Variants in AGMO observed in about 807,000 individuals in gnomAD.
AGMO encodes the protein alkylglycerol monooxygenase.
Under a neutral mutation model 60.2 loss-of-function variants are expected in AGMO, and 75 were observed. The ratio of observed to expected loss-of-function variants is 1.25; its 90% CI spans 1.03 to 1.51. The LOEUF is 1.51. Among genes scored for constraint, AGMO ranks in the 40% most tolerant of loss-of-function variants. The pLI is 0.00. For synonymous variants in AGMO, 261 were observed against 177.1 expected, an observed-to-expected ratio of 1.47 and a Z score of -3.76; for missense variants, 763 against 525.5, an observed-to-expected ratio of 1.45 and a Z score of -4.42.
At chr7:15,408,036 G>C (rs1784751487) in intron 5 of AGMO, among the ~76,000 whole-genome samples, 1 of 151,898 alleles carries the variant, frequency 6.6e-6, no homozygotes, top group Non-Finnish European at 1.5e-5. Context: ...GTAAAAGAAA[G>C]ATGTTGCAGA....
chr7:15,316,815 T>A (rs1217398835), intron 12 of AGMO, among the ~76,000 whole-genome samples: 3 of 152,194 alleles, frequency 2.0e-5, no homozygotes, highest in African/African-American at 7.2e-5. Context: ...CTTTATAGAT[T>A]AATTGGCTTT....
At chr7:15,212,818 A>C (rs1404805574) in intron 12 of AGMO, among the ~76,000 whole-genome samples, 3 of 151,910 alleles carry the variant, frequency 2.0e-5, no homozygotes, top group African/African-American at 7.2e-5. Flanking sequence ...CAGTATCTTC[A>C]GCTGAAAAAG....
chr7:15,329,226 T>C (rs1277561288), intron 12 of AGMO, among the ~76,000 whole-genome samples: 15 of 152,226 alleles, frequency 9.9e-5, no homozygotes, highest in Non-Finnish European at 4.4e-5. Flanking sequence ...GTATTTGATA[T>C]ACTTTAATTG....
the AGMO span, among the ~76,000 whole-genome samples, chr7:15,168,927 G>A: frequency 6.6e-6 from 1 of 152,330 alleles, no homozygotes; most frequent in African/African-American, 2.4e-5. Context: ...ACAGTTGGAA[G>A]TCATTTAGAA....
chr7:15,130,120 A>G, the AGMO span, among the ~76,000 whole-genome samples: 76 of 152,234 alleles, frequency 5.0e-4, no homozygotes, highest in Non-Finnish European at 7.4e-5. Context: ...CTAGAAATAT[A>G]GTTTTATTTT....
intron 12 of AGMO, among the ~76,000 whole-genome samples, chr7:15,250,697 T>C (rs1262565419): frequency 6.6e-6 from 1 of 152,100 alleles, no homozygotes; most frequent in Non-Finnish European, 1.5e-5. Flanking sequence ...CCCAGCACTT[T>C]GGGAAGCTGA....
intron 8 of AGMO, among the ~76,000 whole-genome samples, chr7:15,388,335 A>T (rs28688256): frequency 0.069 from 10,437 of 152,130 alleles, 661 homozygotes; most frequent in African/African-American, 0.17. Flanking sequence ...TGGAAAAATT[A>T]AAAAAATTGC....
chr7:15,489,188 T>A (rs75923494), intron 3 of AGMO, among the ~76,000 whole-genome samples: 1 of 152,076 alleles, frequency 6.6e-6, no homozygotes, highest in East Asian at 1.9e-4. Context: ...ACTTTCACAA[T>A]TGTCATAAAG....
intron 12 of AGMO, among the ~76,000 whole-genome samples, chr7:15,311,368 T>C (rs913200556): frequency 1.3e-5 from 2 of 152,074 alleles, no homozygotes; most frequent in African/African-American, 4.8e-5. Context: ...ACATGCCAGG[T>C]TGGGAATCTA....
At chr7:15,354,568 A>G (rs1782447297) in intron 12 of AGMO, among the ~76,000 whole-genome samples, 1 of 126,886 alleles carries the variant, frequency 7.9e-6, no homozygotes, top group Non-Finnish European at 1.7e-5. Flanking sequence ...TGCAACAGTA[A>G]ACATTTGTTA....
the AGMO span, among the ~76,000 whole-genome samples, chr7:15,185,898 C>T: frequency 6.6e-6 from 1 of 152,164 alleles, no homozygotes; most frequent in South Asian, 2.1e-4. Context: ...TCTTCTCATC[C>T]AGTCTTCTAA....
chr7:15,227,698 A>C (rs779210744), intron 12 of AGMO, among the ~76,000 whole-genome samples: 13 of 152,068 alleles, frequency 8.5e-5, no homozygotes, highest in Non-Finnish European at 1.8e-4. Context: ...CGTATCATCC[A>C]TGAGGTAGCA....
intron 12 of AGMO, 77 bp downstream of exon 12, chr7:15,365,437 G>T: frequency 2.6e-6 from 2 of 761,924 alleles, no homozygotes; most frequent in Admixed American, 2.7e-5. Flanking sequence ...ATGAAGTAGA[G>T]AAAACATCCT....
At chr7:15,439,531 T>G (rs1471885173) in intron 3 of AGMO, among the ~76,000 whole-genome samples, 2 of 152,168 alleles carry the variant, frequency 1.3e-5, no homozygotes, top group Non-Finnish European at 2.9e-5. Flanking sequence ...ACAAAACATA[T>G]CAAAGAAAGA....
At chr7:15,391,773 G>A (rs1784148688) in intron 6 of AGMO, among the ~76,000 whole-genome samples, 1 of 152,132 alleles carries the variant, frequency 6.6e-6, no homozygotes, top group South Asian at 2.1e-4. Flanking sequence ...TAGTAGGGAA[G>A]CATTTTGCCC....
intron 12 of AGMO, among the ~76,000 whole-genome samples, chr7:15,323,347 A>G (rs974769924): frequency 2.0e-5 from 3 of 152,188 alleles, no homozygotes; most frequent in African/African-American, 7.2e-5. Context: ...ATACATTGAT[A>G]TAAAAGAATT....
chr7:15,332,776 CTTA>C (rs1781538153), intron 12 of AGMO, among the ~76,000 whole-genome samples: 1 of 152,006 alleles, frequency 6.6e-6, no homozygotes, highest in Middle Eastern at 3.4e-3. Flanking sequence ...ATCAAAATGG[CTTA>C]TATTTATTAA....
intron 3 of AGMO, among the ~76,000 whole-genome samples, chr7:15,476,898 T>C (rs983924924): frequency 1.3e-5 from 2 of 152,122 alleles, no homozygotes; most frequent in African/African-American, 2.4e-5. Context: ...TTAAATGATA[T>C]AAATGAAATA....
chr7:15,537,031 C>T (rs1416779260), intron 3 of AGMO, among the ~76,000 whole-genome samples: 1 of 151,932 alleles, frequency 6.6e-6, no homozygotes, highest in Non-Finnish European at 1.5e-5. Flanking sequence ...GGGACAAAAT[C>T]TGTTTTTTCC....
Sources: gnomAD v4.1 joint callset for allele counts (sites outside exome capture counted in the v4.1 genomes callset) on GRCh38, gnomAD v4.1.1 for gene constraint, MANE v1.5 for transcripts, NCBI Gene and HGNC (gene_info 2026-07-23, HGNC 2026-07-21) for gene names.